Variants in PLD5 observed in about 807,000 individuals in gnomAD.
The protein encoded by PLD5 is phospholipase D family member 5.
In PLD5, 36 loss-of-function variants were observed where a neutral mutation model predicts 61.1. That is an observed-to-expected ratio of 0.59 (90% CI 0.45 to 0.78). The LOEUF (loss-of-function observed/expected upper bound fraction) is 0.78. Among genes scored for constraint, PLD5 ranks in the 30% least tolerant of loss-of-function variants. PLD5 has a pLI of 0.00. For missense variants in PLD5, 515 were observed against 644.4 expected (o/e 0.80, Z 2.17); for synonymous variants, 243 against 242.8 (o/e 1.00, Z -0.01).
At chr1:242,452,633 C>T (rs915129184) in intron 1 of PLD5, among the ~76,000 whole-genome samples, 3 of 151,992 alleles carry the variant, frequency 2.0e-5, no homozygotes, top group East Asian at 3.9e-4. Context: ...CTAGGCAACA[C>T]GGTGAAACTC....
chr1:242,089,928 G>T lies in PLD5; in HGVS notation c.1537C>A (p.Leu513Met), dbSNP rs991369111. 1.1e-5 allele frequency: 17 copies of T among 1,614,212 alleles called. No individual in the cohort carries two copies. The highest frequency in any genetic ancestry group is 1.4e-5 in the Non-Finnish European group (17 of 1,180,050). The change falls in exon 10 of 10, where the codon CTG becomes ATG. Residue 513 changes from leucine to methionine, a missense_variant. Leu to Met is a conservative substitution (Grantham distance 15). Coordinates refer to ENST00000536534, the MANE Select transcript of PLD5 (RefSeq NM_001372062.1). The stretch of plus-strand genomic sequence containing the variant: ...TTGGAGAGGGGTTTGAGTTTGAACA[G>T]GCTTGAGCAGTTCGGCTGTTTGGTT... ...QPTKQPNCSS[L>M]FKLKPLSNKT...
chr1:242,092,491 A>C (rs1023931657), intron 9 of PLD5, among the ~76,000 whole-genome samples: 1 of 152,190 alleles, frequency 6.6e-6, no homozygotes, highest in Non-Finnish European at 1.5e-5. Context: ...AAGGTGGACA[A>C]AATTATCTTC....
At chr1:242,430,300 G>A (rs1168253921) in intron 1 of PLD5, among the ~76,000 whole-genome samples, 1 of 151,748 alleles carries the variant, frequency 6.6e-6, no homozygotes, top group Non-Finnish European at 1.5e-5. Context: ...CTCAGTGAGG[G>A]CCCACTTCTG....
At chr1:242,513,040 T>C (rs1221963203) in intron 1 of PLD5, among the ~76,000 whole-genome samples, 1 of 152,002 alleles carries the variant, frequency 6.6e-6, no homozygotes, top group East Asian at 1.9e-4. Context: ...CTACCACGCC[T>C]GGCTAATTTT....
In PLD5 at chr1:242,089,397, T is replaced by TCGGTGG; in HGVS notation, c.*456_*457insCCACCG. ...TCATGCTTAGCTGACTGTGTAGGTC[T>TCGGTGG]TGGAGACGATTTACAAGAATAAACA... On this transcript the variant is annotated 3_prime_UTR_variant, in exon 10 of 10. Coordinates refer to ENST00000536534, the MANE Select transcript of PLD5 (RefSeq NM_001372062.1). 2.4e-6 allele frequency: 1 copy of TCGGTGG among 411,994 alleles called. No individual in the cohort carries two copies. The highest frequency in any genetic ancestry group is 4.3e-6 in the Non-Finnish European group (1 of 233,662). 25.5% of individuals were successfully genotyped at this position (411,994 alleles called of 1,614,324 possible). A position where few individuals can be genotyped will look rare whatever the true frequency, so the allele number is the denominator to read the frequency against.
At chr1:242,241,821 T>C (rs1340399028) in intron 4 of PLD5, among the ~76,000 whole-genome samples, 1 of 143,362 alleles carries the variant, frequency 7.0e-6, no homozygotes, top group Non-Finnish European at 1.5e-5. Context: ...CTACCAGCAT[T>C]AAAAATATTG....
chr1:242,408,682 C>T (rs947986629), intron 1 of PLD5, among the ~76,000 whole-genome samples: 1 of 152,104 alleles, frequency 6.6e-6, no homozygotes, highest in Non-Finnish European at 1.5e-5. Context: ...GAACTGTGAG[C>T]CAAATAAACC....
chr1:242,083,825 C>T lies in PLD5; in HGVS notation c.*6029G>A, dbSNP rs565372505. ...ATTGGAAAGTAACATATAATTTCAA[C>T]GTTTTTAATCCTGGGAATTGAGGTC... is the stretch of plus-strand genomic sequence containing the variant. On this transcript the variant is annotated 3_prime_UTR_variant, in exon 10 of 10. Transcript: ENST00000536534. 8.6e-5 allele frequency: 13 copies of T among 151,874 alleles called. No individual in the cohort carries two copies. The highest frequency in any genetic ancestry group is 1.3e-4 in the Admixed American group (2 of 15,260). The allele number at this position is 151,874 out of a possible 1,614,324, so 9.4% of individuals were successfully genotyped here.
intron 1 of PLD5, among the ~76,000 whole-genome samples, chr1:242,357,489 CTTTTTTTT>C (rs1274414654): frequency 1.4e-5 from 2 of 139,544 alleles, no homozygotes; most frequent in East Asian, 4.1e-4. Flanking sequence ...GACATTTTTT[CTTTTTTTT>C]TTTTTGAGAC....
chr1:242,167,084 A>G (rs879269788), intron 5 of PLD5, among the ~76,000 whole-genome samples: 1 of 79,578 alleles, frequency 1.3e-5, no homozygotes, highest in Non-Finnish European at 3.0e-5. Flanking sequence ...AATAGTAATA[A>G]TAATAATAAT....
chr1:242,463,101 C>T (rs1158615247), intron 1 of PLD5, among the ~76,000 whole-genome samples: 2 of 152,308 alleles, frequency 1.3e-5, no homozygotes, highest in African/African-American at 2.4e-5. Context: ...ACTCTTCCCA[C>T]GAGCTCATAT....
At chr1:242,335,946 A>G (rs1558475586) in intron 2 of PLD5, among the ~76,000 whole-genome samples, 1 of 152,172 alleles carries the variant, frequency 6.6e-6, no homozygotes, top group Non-Finnish European at 1.5e-5. Context: ...TACAATAATT[A>G]TTTGGATTAC....
At chr1:242,324,526 G>C (rs1250733587) in intron 2 of PLD5, among the ~76,000 whole-genome samples, 2 of 152,224 alleles carry the variant, frequency 1.3e-5, no homozygotes, top group African/African-American at 4.8e-5. Flanking sequence ...AACTAAGTTT[G>C]GAAGAAATTT....
chr1:242,151,346 TTTC>T (rs1664913732), intron 5 of PLD5, among the ~76,000 whole-genome samples: 1 of 151,956 alleles, frequency 6.6e-6, no homozygotes, highest in East Asian at 1.9e-4. Flanking sequence ...GGTAATACAG[TTTC>T]TTAATTTTTC....
intron 2 of PLD5, among the ~76,000 whole-genome samples, chr1:242,290,430 G>C (rs1317430716): frequency 6.6e-6 from 1 of 152,060 alleles, no homozygotes; most frequent in Non-Finnish European, 1.5e-5. Context: ...GGAAAGTTAC[G>C]GTAGGAGCTT....
At chr1:242,384,794 G>A (rs567812822) in intron 1 of PLD5, among the ~76,000 whole-genome samples, 2 of 152,260 alleles carry the variant, frequency 1.3e-5, no homozygotes, top group African/African-American at 4.8e-5. Flanking sequence ...TAAAAAATTT[G>A]AATTACCTTT....
chr1:242,196,080 G>A (rs993137239), intron 5 of PLD5, among the ~76,000 whole-genome samples: 5 of 152,154 alleles, frequency 3.3e-5, no homozygotes, highest in Non-Finnish European at 5.9e-5. Flanking sequence ...TATTTTTGTC[G>A]ATATTGGTTT....
intron 2 of PLD5, among the ~76,000 whole-genome samples, chr1:242,337,691 C>A (rs962466550): frequency 6.6e-6 from 1 of 152,140 alleles, no homozygotes; most frequent in Non-Finnish European, 1.5e-5. Context: ...ACTTTGCAGT[C>A]TTCTACACAT....
intron 3 of PLD5, among the ~76,000 whole-genome samples, chr1:242,272,623 A>G (rs1674158988): frequency 6.6e-6 from 1 of 152,170 alleles, no homozygotes; most frequent in South Asian, 2.1e-4. Flanking sequence ...ATCTATTTGG[A>G]AATTTAAAAC....
Sources: gnomAD v4.1 joint callset for allele counts (sites outside exome capture counted in the v4.1 genomes callset) on GRCh38, gnomAD v4.1.1 for gene constraint, MANE v1.5 for transcripts, NCBI Gene and HGNC (gene_info 2026-07-23, HGNC 2026-07-21) for gene names.